The following TMC1 variants were observed in gnomAD, a reference collection of about 807,000 sequenced individuals.
The protein encoded by TMC1 is transmembrane channel like 1, also known as transmembrane channel-like protein 1.
In TMC1, 84 loss-of-function variants were observed where a neutral mutation model predicts 105.8. That is an observed-to-expected ratio of 0.79 (90% CI 0.67 to 0.95). The LOEUF (loss-of-function observed/expected upper bound fraction) is 0.95, where lower values mean the gene tolerates loss of function less well. TMC1 is among the 40% of genes least tolerant of loss of function. The probability of loss-of-function intolerance (pLI) is 0.00; values close to 1 mark genes in which losing one functional copy is unlikely to be tolerated. For missense variants in TMC1, 817 were observed against 914.1 expected, an observed-to-expected ratio of 0.89 and a Z score of 1.37; for synonymous variants, 315 against 311.5, an observed-to-expected ratio of 1.01 and a Z score of -0.12.
intron 2 of TMC1, among the ~76,000 whole-genome samples, chr9:72,615,929 A>C (rs1284502426): frequency 6.6e-6 from 1 of 151,636 alleles, no homozygotes; most frequent in African/African-American, 2.4e-5. Context: ...ATTTTTTTTA[A>C]TAGAGATGGG....
In TMC1 at chr9:72,665,092, C is replaced by CT. The variant is rs534447703; in HGVS notation, c.16+16429dup. Among the ~76,000 whole-genome samples the CT allele has an allele frequency of 3.9e-5, 6 of 152,318 alleles. No individual in the cohort carries two copies. The South Asian group carries it at 1.2e-3, about 32-fold the overall frequency. On this transcript the variant is annotated intron_variant, in intron 5 of 23. Transcript: ENST00000297784. ...TGTCTGCAAGGGGTATCAGGGAACT[C>CT]TCCCCTTTCAATGTCAGTAGGTAAT... is the stretch of plus-strand genomic sequence containing the variant.
intron 23 of TMC1, among the ~76,000 whole-genome samples, chr9:72,834,292 T>C (rs1451716623): frequency 6.6e-6 from 1 of 152,216 alleles, no homozygotes; most frequent in East Asian, 1.9e-4. Context: ...TGATGTTTCT[T>C]TGCCTTTGAT....
intron 5 of TMC1, among the ~76,000 whole-genome samples, chr9:72,681,126 A>C (rs1050940392): frequency 6.6e-6 from 1 of 152,158 alleles, no homozygotes; most frequent in African/African-American, 2.4e-5. Flanking sequence ...ATTACTAGAA[A>C]AGGTTTTAAC....
chr9:72,790,356 G>A (rs565536624), intron 15 of TMC1, among the ~76,000 whole-genome samples: 3 of 152,084 alleles, frequency 2.0e-5, no homozygotes, highest in South Asian at 2.1e-4. Context: ...CAATAGAGAC[G>A]GGACTAGATA....
chr9:72,560,689 G>A (rs565595480), intron 1 of TMC1, among the ~76,000 whole-genome samples: 4 of 151,796 alleles, frequency 2.6e-5, no homozygotes, highest in East Asian at 2.0e-4. Context: ...TAGTAGAGAC[G>A]GGGTTTTACC....
chr9:72,754,903 G>T lies in TMC1; in HGVS notation c.741+19G>T. The T allele has an allele frequency of 6.4e-7, 1 of 1,562,214 alleles. No homozygotes were observed. The highest frequency in any genetic ancestry group is 2.2e-5 in the East Asian group (1 of 44,624). On this transcript the variant is annotated intron_variant, in intron 12 of 23. Transcript: ENST00000297784. The stretch of plus-strand genomic sequence containing the variant: ...CTTCAATGTAAGTGTCTCCACACAA[G>T]TGTATTGGTGGGAGGATGGATTTTT...
chr9:72,750,641 T>C (rs1418100724), intron 10 of TMC1, among the ~76,000 whole-genome samples: 1 of 152,180 alleles, frequency 6.6e-6, no homozygotes, highest in Non-Finnish European at 1.5e-5. Flanking sequence ...GCCTATTGCC[T>C]ATTCATTCCC....
intron 5 of TMC1, among the ~76,000 whole-genome samples, chr9:72,658,350 T>G (rs1006465164): frequency 6.6e-6 from 1 of 151,000 alleles, no homozygotes; most frequent in Non-Finnish European, 1.5e-5. Flanking sequence ...AAAAAAAAAC[T>G]ATGGTTGTTC....
At chr9:72,752,012 G>A in intron 11 of TMC1, 56 bp downstream of exon 11, 4 of 1,098,682 alleles carry the variant, frequency 3.6e-6, no homozygotes, top group Non-Finnish European at 5.6e-6. Context: ...TCCTAGAAAA[G>A]TATTTATCTC....
At chr9:72,828,054 AT>A (rs1247931553) in intron 21 of TMC1, among the ~76,000 whole-genome samples, 1 of 152,204 alleles carries the variant, frequency 6.6e-6, no homozygotes, top group African/African-American at 2.4e-5. Flanking sequence ...AGAGAGTAAA[AT>A]GGTCATAGAA....
At chr9:72,623,447 T>C (rs1825292431) in intron 3 of TMC1, among the ~76,000 whole-genome samples, 1 of 152,058 alleles carries the variant, frequency 6.6e-6, no homozygotes, top group South Asian at 2.1e-4. Flanking sequence ...AAGTAATCCT[T>C]TGGTAATTTC....
At chr9:72,630,796 A>C (rs1825436483) in intron 4 of TMC1, among the ~76,000 whole-genome samples, 1 of 152,258 alleles carries the variant, frequency 6.6e-6, no homozygotes, top group African/African-American at 2.4e-5. Context: ...GAATGTTAAT[A>C]ATCATGGTCA....
chr9:72,814,893 T>C (rs1828758287), intron 18 of TMC1, among the ~76,000 whole-genome samples: 1 of 141,676 alleles, frequency 7.1e-6, no homozygotes, highest in Non-Finnish European at 1.5e-5. Flanking sequence ...TCTTGGATCA[T>C]CTTTGTGTGT....
At chr9:72,810,524 A>C (rs1828684805) in intron 18 of TMC1, among the ~76,000 whole-genome samples, 1 of 152,242 alleles carries the variant, frequency 6.6e-6, no homozygotes, top group African/African-American at 2.4e-5. Context: ...TTGTTGAATC[A>C]AATAGTGTTA....
At chr9:72,713,866 T>A (rs1341932206) in intron 8 of TMC1, among the ~76,000 whole-genome samples, 2 of 152,138 alleles carry the variant, frequency 1.3e-5, no homozygotes, top group Non-Finnish European at 2.9e-5. Flanking sequence ...TTTTAGGGTG[T>A]CGATTTTAGA....
At chr9:72,676,454 A>G (rs773706824) in intron 5 of TMC1, among the ~76,000 whole-genome samples, 1 of 152,164 alleles carries the variant, frequency 6.6e-6, no homozygotes, top group Admixed American at 6.6e-5. Context: ...CAGGCACTGT[A>G]TTGAGTATAT....
chr9:72,798,644 G>A (rs576223971), intron 17 of TMC1, among the ~76,000 whole-genome samples: 9 of 152,060 alleles, frequency 5.9e-5, no homozygotes, highest in Non-Finnish European at 1.3e-4. Context: ...GATAACTCAT[G>A]AACGCAAAGA....
chr9:72,713,489 G>A (rs1826868505), intron 8 of TMC1, among the ~76,000 whole-genome samples: 3 of 152,102 alleles, frequency 2.0e-5, no homozygotes. Flanking sequence ...CTTCTTCCTG[G>A]TTCAGTTTTA....
chr9:72,684,407 C>T (rs1826341642), intron 5 of TMC1, among the ~76,000 whole-genome samples: 2 of 152,164 alleles, frequency 1.3e-5, no homozygotes, highest in Admixed American at 1.3e-4. Flanking sequence ...CTCTGATGCA[C>T]ATCTTCTGCC....
Sources: gnomAD v4.1 joint callset for allele counts (sites outside exome capture counted in the v4.1 genomes callset) on GRCh38, gnomAD v4.1.1 for gene constraint, MANE v1.5 for transcripts, NCBI Gene and HGNC (gene_info 2026-07-23, HGNC 2026-07-21) for gene names.